SFI1: variants seen among roughly 807,000 people sequenced by gnomAD.
The protein encoded by SFI1 is SFI1 centrin binding protein, also known as protein SFI1 homolog.
SFI1 carries 195 observed loss-of-function variants against 207.5 expected under a neutral mutation model. The observed-to-expected ratio is 0.94, with a 90% CI of 0.84 to 1.06. SFI1 has a LOEUF of 1.06. Among genes scored for constraint, SFI1 ranks in the 50% least tolerant of loss-of-function variants. The pLI is 0.00. For missense variants in SFI1, 1,634 were observed against 1,588.0 expected (o/e 1.03, Z -0.49); for synonymous variants, 630 against 598.9 (o/e 1.05, Z -0.76).
chr22:31,611,894 T>C lies in SFI1; in HGVS notation c.2490+54T>C. On this transcript the variant is annotated intron_variant, in intron 24 of 32. Coordinates refer to ENST00000400288, the MANE Select transcript of SFI1 (RefSeq NM_001007467.3). ...ACTTCCTTCTCCATCCTCTGGCCTGTGAGGCCTGGGCAGTGAATGACCTTC... is the reference window on the plus strand; with the variant it reads ...ACTTCCTTCTCCATCCTCTGGCCTGCGAGGCCTGGGCAGTGAATGACCTTC... The C allele has an allele frequency of 3.1e-6, 5 of 1,606,802 alleles. No individual in the cohort carries two copies. In the East Asian group the frequency reaches 6.7e-5, roughly 22 times the overall value.
At chr22:31,603,463 C>G (rs1187734752) in intron 17 of SFI1, among the ~76,000 whole-genome samples, 3 of 152,164 alleles carry the variant, frequency 2.0e-5, no homozygotes, top group East Asian at 3.8e-4. Context: ...GGATCTCACT[C>G]CCTGTCGCAC....
At chr22:31,566,596 T>C (rs913041351) in intron 8 of SFI1, among the ~76,000 whole-genome samples, 1 of 152,222 alleles carries the variant, frequency 6.6e-6, no homozygotes, top group East Asian at 1.9e-4. Context: ...GAATGAGTTA[T>C]TTCATCTGTT....
intron 7 of SFI1, among the ~76,000 whole-genome samples, chr22:31,559,269 A>G (rs2061447875): frequency 6.6e-6 from 1 of 151,940 alleles, no homozygotes. Flanking sequence ...AAAAAAATAC[A>G]AAAGTTAGCC....
At chr22:31,516,634 C>G (rs1166092689) in intron 2 of SFI1, among the ~76,000 whole-genome samples, 1 of 152,100 alleles carries the variant, frequency 6.6e-6, no homozygotes, top group Non-Finnish European at 1.5e-5. Flanking sequence ...GCCTGGCCAA[C>G]ATGGCGAAAC....
At chr22:31,519,957 G>A (rs960750437) in intron 2 of SFI1, among the ~76,000 whole-genome samples, 2 of 151,418 alleles carry the variant, frequency 1.3e-5, no homozygotes, top group Non-Finnish European at 2.9e-5. Flanking sequence ...GGTAGAGATG[G>A]GGTTTCACCT....
chr22:31,615,470 G>C (rs2071256187), intron 29 of SFI1, 191 bp downstream of exon 29: 2 of 460,936 alleles, frequency 4.3e-6, no homozygotes, highest in South Asian at 1.3e-4. Flanking sequence ...CCAGCCAAGG[G>C]CCCTGCCATC....
intron 22 of SFI1, 71 bp downstream of exon 22, chr22:31,608,104 C>A: frequency 8.0e-7 from 1 of 1,255,458 alleles, no homozygotes; most frequent in African/African-American, 1.5e-5. Context: ...ATCCCTGTGG[C>A]CCGCATAAGT....
intron 4 of SFI1, among the ~76,000 whole-genome samples, chr22:31,542,559 C>T (rs1307572054): frequency 6.6e-6 from 1 of 151,990 alleles, no homozygotes; most frequent in Non-Finnish European, 1.5e-5. Flanking sequence ...ACCCGGGAGG[C>T]GGAGGTTGCA....
In SFI1 at chr22:31,593,141, C is replaced by G. The variant is rs910268308; in HGVS notation, c.1544+3564C>G. 1.7e-4 allele frequency among the ~76,000 whole-genome samples: 25 copies of G among 150,016 alleles called. 1 individual carries two copies. Among genetic ancestry groups the G allele is most frequent in the South Asian group, 6.3e-4 (3 of 4,746 alleles). On this transcript the variant is annotated intron_variant, in intron 15 of 32. Transcript: ENST00000400288. ...CTGGCCGGGCGGGGGGCTGACCCCC[C>G]CCCACCTCCTTCCCGGACGGGGTGG...
rs146504169 is a variant in SFI1, at chr22:31,546,912, G to A, written c.390G>A (p.Glu130=). ...GGAAGGTCTTCGAAGAATGGAAAGAGGAGTGGTGGGTTTTCCAGCACGAGT... is the reference window on the plus strand; with the variant it reads ...GGAAGGTCTTCGAAGAATGGAAAGAAGAGTGGTGGGTTTTCCAGCACGAGT... ...LLRKVFEEWK[E]EWWVFQHEWK... The change falls in exon 5 of 33, where the codon GAG becomes GAA. Residue 130 remains glutamate (E), a synonymous_variant. Coordinates refer to ENST00000400288, the MANE Select transcript of SFI1 (RefSeq NM_001007467.3). 23,393 of 1,612,346 alleles carry A rather than the reference G, an allele frequency of 0.015. 189 individuals are homozygous for A. The highest frequency in any genetic ancestry group is 0.016 in the Non-Finnish European group (19,157 of 1,179,220).
At chr22:31,522,428 A>G (rs2057388905) in intron 2 of SFI1, among the ~76,000 whole-genome samples, 1 of 152,158 alleles carries the variant, frequency 6.6e-6, no homozygotes, top group South Asian at 2.1e-4. Flanking sequence ...CATCACCACT[A>G]TCCATACCCA....
rs61744631 is a variant in SFI1 at position 31,606,365 on chromosome 22, C to T, written c.2092C>T (p.Arg698Ter). 33 of 1,613,698 alleles carry T rather than the reference C, an allele frequency of 2.0e-5. No individual in the cohort carries two copies. Among genetic ancestry groups the T allele is most frequent in the African/African-American group, 9.3e-5 (7 of 74,878 alleles). Residue 698 changes from arginine to a stop codon, truncating the protein, a stop_gained, in exon 21 of 33, where the codon CGA becomes TGA. Coordinates refer to ENST00000400288, the MANE Select transcript of SFI1 (RefSeq NM_001007467.3). LOFTEE classifies it high-confidence loss of function. ...TCGCTGGAAAGAGAACACCATGGCC[C>T]GAGTGGATGAAGCCAAAAAAACCTT... ...LRRWKENTMARVDEAKKTFQA... is the reference protein window; with the variant it reads ...LRRWKENTMA
At chr22:31,499,079 C>T (rs889866104) in intron 1 of SFI1, among the ~76,000 whole-genome samples, 1 of 151,992 alleles carries the variant, frequency 6.6e-6, no homozygotes, top group African/African-American at 2.4e-5. Context: ...GTGATCATGG[C>T]TCATTGCAGA....
chr22:31,535,224 C>T (rs1370754175), intron 4 of SFI1, among the ~76,000 whole-genome samples: 7 of 146,832 alleles, frequency 4.8e-5, no homozygotes, highest in African/African-American at 1.8e-4. Flanking sequence ...GTTGCTTGCT[C>T]CGTTGCCCAG....
chr22:31,550,411 A>G, intron 6 of SFI1, 63 bp downstream of exon 6: 1 of 1,245,572 alleles, frequency 8.0e-7, no homozygotes, highest in Non-Finnish European at 1.2e-6. Flanking sequence ...AGGTCATAGG[A>G]AGGACAAACA....
intron 15 of SFI1, among the ~76,000 whole-genome samples, chr22:31,596,666 C>A (rs915847879): frequency 1.3e-5 from 2 of 151,920 alleles, no homozygotes; most frequent in African/African-American, 4.8e-5. Context: ...TGGCGCACAT[C>A]CCAGCTACTC....
intron 1 of SFI1, among the ~76,000 whole-genome samples, chr22:31,505,322 C>T (rs928625909): frequency 2.6e-5 from 4 of 151,884 alleles, no homozygotes; most frequent in African/African-American, 9.7e-5. Context: ...TCCTGTAATC[C>T]CAGCTACATG....
intron 21 of SFI1, 107 bp from the exon 22 acceptor site, chr22:31,607,829 TG>T: frequency 1.2e-6 from 1 of 859,090 alleles, no homozygotes; most frequent in Non-Finnish European, 1.9e-6. Flanking sequence ...GAGAAGCAAA[TG>T]GCAACAGCTT....
At position 31,581,354 on chromosome 22, in the gene SFI1, T is replaced by C. The variant is rs185445315; in HGVS notation, c.1248+990T>C. On this transcript the variant is annotated intron_variant, in intron 12 of 32. Coordinates refer to ENST00000400288, the MANE Select transcript of SFI1 (RefSeq NM_001007467.3). The stretch of plus-strand genomic sequence containing the variant: ...CTGGTGTGCAGCTGCAGTGGTGCGA[T>C]CTCAACTCACTGCAACCTCCACCTC... 3.6e-3 allele frequency among the ~76,000 whole-genome samples: 551 copies of C among 151,422 alleles called. 2 individuals carry two copies. Among genetic ancestry groups the C allele is most frequent in the Non-Finnish European group, 5.3e-3 (357 of 67,928 alleles).
Sources: allele counts gnomAD v4.1 joint callset (sites outside exome capture counted in the v4.1 genomes callset), GRCh38; gene constraint gnomAD v4.1.1; transcripts MANE v1.5; gene names NCBI Gene and HGNC (gene_info 2026-07-23, HGNC 2026-07-21).